The following PPL variants were observed in gnomAD, a reference collection of about 807,000 sequenced individuals.
PPL encodes periplakin.
A neutral mutation model predicts 194.4 loss-of-function variants in PPL; 198 were observed. That is an observed-to-expected ratio of 1.02 (90% CI 0.91 to 1.15). The LOEUF is 1.15. Among genes scored for constraint, PPL ranks in the 50% most tolerant of loss-of-function variants. The pLI is 0.00. For synonymous variants in PPL, 1,220 were observed against 972.4 expected (o/e 1.25, Z -4.74); for missense variants, 2,885 against 2,294.8 (o/e 1.26, Z -5.25).
At chr16:4,916,802 G>C (rs910212719) in intron 1 of PPL, among the ~76,000 whole-genome samples, 1 of 151,742 alleles carries the variant, frequency 6.6e-6, no homozygotes, top group East Asian at 2.0e-4. Context: ...ACTGCACCCA[G>C]CCCACCCCTA....
chr16:4,894,721 C>G (rs1018990942), intron 11 of PPL, 103 bp from the exon 12 acceptor site: 236 of 1,371,938 alleles, frequency 1.7e-4, no homozygotes, highest in Non-Finnish European at 2.3e-4. Context: ...GGAGCCCCGG[C>G]TCATCACTTG....
intron 1 of PPL, among the ~76,000 whole-genome samples, chr16:4,917,998 A>G (rs1030691271): frequency 2.0e-5 from 3 of 149,910 alleles, no homozygotes; most frequent in African/African-American, 7.4e-5. Flanking sequence ...AAAAAAAAAA[A>G]CACAAAAAAG....
chr16:4,936,966 C>T lies in PPL; in HGVS notation c.62+18G>A. On this transcript the variant is annotated intron_variant, in intron 1 of 21. Coordinates refer to ENST00000345988, the MANE Select transcript of PPL (RefSeq NM_002705.5). Reference sequence around the variant, plus strand: ...GGGGCAAGAGCGTCCCGGAGCGGAGCTGTGGGCGCCTCCTCACCTCCGGGT... The same window carrying T: ...GGGGCAAGAGCGTCCCGGAGCGGAGTTGTGGGCGCCTCCTCACCTCCGGGT... 1.3e-6 allele frequency: 2 copies of T among 1,584,016 alleles called. No homozygotes were observed. Among genetic ancestry groups the T allele is most frequent in the South Asian group, 2.2e-5 (2 of 88,980 alleles).
At position 4,921,709 on chromosome 16, in the gene PPL, T is replaced by C. The variant is rs569206066; in HGVS notation, c.63-10760A>G. On this transcript the variant is annotated intron_variant, in intron 1 of 21. Transcript: ENST00000345988. ...CTCGAACTCCTGGCCTCAAGTGATC[T>C]GCCCGCCTCGGCCTCCCAAAATGCT... Among the ~76,000 whole-genome samples the C allele has an allele frequency of 9.2e-5, 14 of 152,246 alleles. No homozygotes were observed. In the South Asian group the frequency reaches 1.9e-3, roughly 20 times the overall value.
chr16:4,898,855 G>A (rs1481166862), intron 8 of PPL, among the ~76,000 whole-genome samples, 158 bp downstream of exon 8: 1 of 152,220 alleles, frequency 6.6e-6, no homozygotes, highest in African/African-American at 2.4e-5. Flanking sequence ...ATAAATGGAG[G>A]AGGCAGAGTC....
chr16:4,889,258 T>TGG lies in PPL; in HGVS notation c.2314-198_2314-197insCC, dbSNP rs1567992981. 4.7e-4 allele frequency among the ~76,000 whole-genome samples: 59 copies of TGG among 126,834 alleles called. 3 individuals carry two copies. Among genetic ancestry groups the TGG allele is most frequent in the South Asian group, 4.5e-3 (15 of 3,336 alleles). The allele number at this position is 126,834 out of a possible 152,430, so 83.2% of individuals were successfully genotyped here. The stretch of plus-strand genomic sequence containing the variant: ...TTGTTGTTGTTTTTTTTTTTTTTTT[T>TGG]TTTTTTTTTTTTTTTTGAGACAGTC... On this transcript the variant is annotated intron_variant, in intron 18 of 21. Coordinates refer to ENST00000345988, the MANE Select transcript of PPL (RefSeq NM_002705.5).
rs777038521 is a variant in PPL at position 4,893,521 on chromosome 16, C to G, written c.1492+20G>C. On this transcript the variant is annotated intron_variant, in intron 13 of 21. Coordinates refer to ENST00000345988, the MANE Select transcript of PPL (RefSeq NM_002705.5). ...TCCCCGGTACCCCCAGAGCCTCAGG[C>G]GAGTGGCCCTGGCACCCACCTCCGG... 1.2e-6 allele frequency: 2 copies of G among 1,610,440 alleles called. No individual in the cohort carries two copies. Among genetic ancestry groups the G allele is most frequent in the African/African-American group, 2.7e-5 (2 of 74,872 alleles).
intron 9 of PPL, among the ~76,000 whole-genome samples, chr16:4,896,764 C>T (rs1402178906): frequency 6.6e-6 from 1 of 151,730 alleles, no homozygotes; most frequent in Non-Finnish European, 1.5e-5. Flanking sequence ...CTCAGCCTCC[C>T]ATCTGGGACT....
rs80327539 is a variant in PPL, at chr16:4,887,107, A to C, written c.2607+28T>G. On this transcript the variant is annotated intron_variant, in intron 21 of 21. Coordinates refer to ENST00000345988, the MANE Select transcript of PPL (RefSeq NM_002705.5). ...TTTGTCACCTGTTAGAACAGCCTGA[A>C]GTAGAATTTCTTACTAAGATCAGTT... is the stretch of plus-strand genomic sequence containing the variant. The C allele has an allele frequency of 3.5e-3, 5,437 of 1,536,912 alleles. 173 individuals carry two copies. The African/African-American group carries it at 0.064, about 18-fold the overall frequency.
rs979286497 is a variant in PPL, at chr16:4,902,258, C to T, written c.438+148G>A. The T allele has an allele frequency of 1.5e-6, 2 of 1,303,646 alleles. No homozygotes were observed. The highest frequency in any genetic ancestry group is 2.4e-5 in the East Asian group (1 of 41,264). 80.8% of individuals were successfully genotyped at this position (1,303,646 alleles called of 1,614,324 possible). A position where few individuals can be genotyped will look rare whatever the true frequency, so the allele number is the denominator to read the frequency against. The stretch of plus-strand genomic sequence containing the variant: ...CTGCACTTCTCTGAGCCTCACTCTT[C>T]TCATGGGCACACTGGAAAACCATCA... On this transcript the variant is annotated intron_variant, in intron 4 of 21. Coordinates refer to ENST00000345988, the MANE Select transcript of PPL (RefSeq NM_002705.5). This position sits in a 1 kb window ranked among gnomAD's most constrained non-coding sequence, Gnocchi z 4.0.
At chr16:4,931,083 C>T (rs569303416) in intron 1 of PPL, among the ~76,000 whole-genome samples, 1 of 152,224 alleles carries the variant, frequency 6.6e-6, no homozygotes, top group East Asian at 1.9e-4. Flanking sequence ...AGGGAAAGGG[C>T]CTGCGTGCAG....
chr16:4,887,744 A>G (rs2088241633), intron 20 of PPL, among the ~76,000 whole-genome samples: 1 of 152,156 alleles, frequency 6.6e-6, no homozygotes, highest in Non-Finnish European at 1.5e-5. Flanking sequence ...CTGGGACTAC[A>G]GGTTTGCACC....
chr16:4,886,300 C>T (rs1253426851), intron 21 of PPL, among the ~76,000 whole-genome samples: 2 of 152,192 alleles, frequency 1.3e-5, no homozygotes, highest in Non-Finnish European at 2.9e-5. Flanking sequence ...CACCTCTGGT[C>T]CCCGTCCTAG....
At chr16:4,901,953 T>TA (rs1555521100) in intron 4 of PPL, among the ~76,000 whole-genome samples, 1 of 62,548 alleles carries the variant, frequency 1.6e-5, no homozygotes, top group African/African-American at 3.6e-5. Context: ...AATAAATAAA[T>TA]AAATAAATAA....
At position 4,897,681 on chromosome 16, in the gene PPL, G is replaced by A. The variant is rs752458971; in HGVS notation, c.966C>T (p.Tyr322=). Residue 322 remains tyrosine (Y), a synonymous_variant, in exon 9 of 22, where the codon TAC becomes TAT. Coordinates refer to ENST00000345988, the MANE Select transcript of PPL (RefSeq NM_002705.5). ...EESHLKYMED[Y]HQFHEDVKDA... is the part of the protein sequence containing the mutation. ...TCCCAGGAAAGGTAAGTACCTGGTG[G>A]TAGTCCTCCATGTACTTGAGGTGGC... is the stretch of plus-strand genomic sequence containing the variant. 4 of 1,613,348 alleles carry A rather than the reference G, an allele frequency of 2.5e-6. No individual in the cohort carries two copies. Among genetic ancestry groups the A allele is most frequent in the South Asian group, 1.1e-5 (1 of 91,040 alleles).
chr16:4,902,424 T>C lies in PPL; in HGVS notation c.420A>G (p.Ala140=), dbSNP rs2088592585. ...KEVDPQVNWA[A]LVEEKLDKLN... ...GCCATACCAGCTTCTCCTCCACCAG[T>C]GCCGCCCAGTTGACCTGTGGATCCA... is the stretch of plus-strand genomic sequence containing the variant. Residue 140 remains alanine, a synonymous_variant, in exon 4 of 22, where the codon GCA becomes GCG. Coordinates refer to ENST00000345988, the MANE Select transcript of PPL (RefSeq NM_002705.5). This position sits in a 1 kb window ranked among gnomAD's most constrained non-coding sequence, Gnocchi z 4.0. 6.2e-7 allele frequency: 1 copy of C among 1,614,076 alleles called. No homozygotes were observed. The highest frequency in any genetic ancestry group is 8.5e-7 in the Non-Finnish European group (1 of 1,179,964).
rs367599333 is a variant in PPL, at chr16:4,885,263, C to G, written c.3392G>C (p.Ser1131Thr). 1 of 1,612,580 alleles carries G rather than the reference C, an allele frequency of 6.2e-7. No individual in the cohort carries two copies. The highest frequency in any genetic ancestry group is 1.7e-5 in the Admixed American group (1 of 60,016). ...EKDAATEREV[S>T]DLTRQYEDEA... Reference sequence around the variant, plus strand: ...GTCCTCATATTGGCGGGTGAGATCGCTGACCTCCCTCTCGGTGGCCGCGTC... The same window carrying G: ...GTCCTCATATTGGCGGGTGAGATCGGTGACCTCCCTCTCGGTGGCCGCGTC... The change falls in exon 22 of 22, where the codon AGC becomes ACC. Residue 1131 changes from serine (S) to threonine (T), a missense_variant. Ser to Thr is a moderately conservative substitution (Grantham distance 58). Transcript: ENST00000345988. The surrounding 1 kb of genome is among the most constrained non-coding windows in gnomAD (Gnocchi z 6.3).
Position 4,884,237 on chromosome 16 carries a change from C to G in PPL, c.4418G>C (p.Arg1473Pro). The change falls in exon 22 of 22, where the codon CGG becomes CCG. Residue 1473 changes from arginine (R) to proline (P), a missense_variant. By Grantham distance (103) the Arg-to-Pro change is moderately radical (BLOSUM62 -2). Coordinates refer to ENST00000345988, the MANE Select transcript of PPL (RefSeq NM_002705.5). The surrounding 1 kb of genome is among the most constrained non-coding windows in gnomAD (Gnocchi z 5.7). ...RLQLEEEQHR[R>P]QLLEGELETL... is the part of the protein sequence containing the mutation. ...CTCGAGCTCCCCCTCCAGGAGCTGC[C>G]GCCGGTGCTGCTCTTCTTCCAGCTG... 1 of 1,613,710 alleles carries G rather than the reference C, an allele frequency of 6.2e-7. No homozygotes were observed. Among genetic ancestry groups the G allele is most frequent in the Non-Finnish European group, 8.5e-7 (1 of 1,179,932 alleles).
chr16:4,908,782 C>G (rs1390214897), intron 2 of PPL, among the ~76,000 whole-genome samples: 2 of 152,208 alleles, frequency 1.3e-5, no homozygotes, highest in African/African-American at 4.8e-5. Context: ...CTCAGGTGAT[C>G]TGCCTGCCTA....
Sources: gnomAD v4.1 joint callset for allele counts (sites outside exome capture counted in the v4.1 genomes callset) on GRCh38, gnomAD v4.1.1 for gene constraint, Gnocchi (gnomAD v3.1) non-coding constraint, MANE v1.5 for transcripts, NCBI Gene and HGNC (gene_info 2026-07-23, HGNC 2026-07-21) for gene names.